IRF8: variants seen among roughly 807,000 people sequenced by gnomAD.
IRF8 encodes the protein interferon regulatory factor 8.
In IRF8, 14 loss-of-function variants were observed where a neutral mutation model predicts 48.7. The observed-to-expected ratio is 0.29, with a 90% confidence interval of 0.19 to 0.45. The LOEUF (loss-of-function observed/expected upper bound fraction) is 0.45, where lower values mean the gene tolerates loss of function less well. IRF8 is among the 20% of genes least tolerant of loss of function. IRF8 has a pLI of 1.00. For missense variants in IRF8, 493 were observed against 580.7 expected, an observed-to-expected ratio of 0.85 and a Z score of 1.55; for synonymous variants, 278 against 227.3, an observed-to-expected ratio of 1.22 and a Z score of -2.01.
At chr16:85,907,854 G>C (rs1396056613) in intron 2 of IRF8, among the ~76,000 whole-genome samples, 1 of 152,216 alleles carries the variant, frequency 6.6e-6, no homozygotes, top group East Asian at 1.9e-4. Context: ...CACTTGCTGT[G>C]GTGGGGAAAC....
intron 2 of IRF8, among the ~76,000 whole-genome samples, chr16:85,904,542 G>T (rs1246671498): frequency 6.6e-6 from 1 of 152,222 alleles, no homozygotes; most frequent in Admixed American, 6.5e-5. Flanking sequence ...GGGGCTGTGC[G>T]TTTCAGTAAT....
chr16:85,917,834 G>C (rs1905367497), intron 6 of IRF8, among the ~76,000 whole-genome samples: 1 of 152,164 alleles, frequency 6.6e-6, no homozygotes, highest in Non-Finnish European at 1.5e-5. Context: ...GGGAACCCCT[G>C]CTTTAGTTTG....
intron 3 of IRF8, 82 bp from the exon 4 acceptor site, chr16:85,911,488 A>G: frequency 8.5e-7 from 1 of 1,174,584 alleles, no homozygotes; most frequent in Middle Eastern, 1.9e-4. Flanking sequence ...TAAACTCAGC[A>G]TTTACAGAGT....
intron 4 of IRF8, among the ~76,000 whole-genome samples, chr16:85,912,157 C>T (rs1905165118): frequency 6.6e-6 from 1 of 152,190 alleles, no homozygotes; most frequent in African/African-American, 2.4e-5. Flanking sequence ...GCTGGATAAC[C>T]AAGCATGTTC....
At chr16:85,903,389 CT>C in intron 2 of IRF8, 200 bp downstream of exon 2, 1 of 595,950 alleles carries the variant, frequency 1.7e-6, no homozygotes, top group Non-Finnish European at 3.0e-6. Context: ...TACGGAGTCA[CT>C]TTTGTGGTCG....
intron 2 of IRF8, among the ~76,000 whole-genome samples, chr16:85,905,298 G>T (rs1197090667): frequency 2.0e-5 from 3 of 152,206 alleles, no homozygotes; most frequent in Non-Finnish European, 4.4e-5. Flanking sequence ...GCCCTGACAT[G>T]TGGCATGCTG....
In IRF8 at chr16:85,920,154, G is replaced by C; in HGVS notation, c.1034G>C (p.Arg345Thr). ...AGCCAGGGCCGGCTTCCTGACGGCA[G>C]GGTGGTGCTGTGCTTTGGGGAAGAG... ...YNSQGRLPDG[R>T]VVLCFGEEFP... is the part of the protein sequence containing the mutation. Residue 345 changes from arginine to threonine, a missense_variant, in exon 8 of 9, where the codon AGG becomes ACG. Coordinates refer to ENST00000268638, the MANE Select transcript of IRF8 (RefSeq NM_002163.4). 1 of 1,614,128 alleles carries C rather than the reference G, an allele frequency of 6.2e-7. No individual in the cohort carries two copies. Among genetic ancestry groups the C allele is most frequent in the Non-Finnish European group, 8.5e-7 (1 of 1,180,014 alleles).
intron 6 of IRF8, among the ~76,000 whole-genome samples, chr16:85,916,792 G>A (rs1025638037): frequency 6.6e-6 from 1 of 152,234 alleles, no homozygotes; most frequent in Admixed American, 6.5e-5. Context: ...CGCAGGCAGT[G>A]CAGAAGTTGC....
At chr16:85,900,333 G>C (rs1904790808) in intron 1 of IRF8, among the ~76,000 whole-genome samples, 1 of 152,188 alleles carries the variant, frequency 6.6e-6, no homozygotes, top group Non-Finnish European at 1.5e-5. Flanking sequence ...TGCAGATAGG[G>C]CTTGGCCAAT....
chr16:85,912,037 T>G (rs1445446257), intron 4 of IRF8, among the ~76,000 whole-genome samples: 1 of 152,258 alleles, frequency 6.6e-6, no homozygotes, highest in Non-Finnish European at 1.5e-5. Flanking sequence ...ATGTAAACTT[T>G]CCTTGCTGCC....
intron 3 of IRF8, 77 bp downstream of exon 3, chr16:85,909,250 G>T: frequency 1.7e-6 from 2 of 1,205,926 alleles, no homozygotes; most frequent in Non-Finnish European, 2.4e-6. Context: ...CTTGGGTCTG[G>T]GGTAGACACA....
At chr16:85,900,379 CAT>C (rs1904792244) in intron 1 of IRF8, among the ~76,000 whole-genome samples, 2 of 152,196 alleles carry the variant, frequency 1.3e-5, no homozygotes, top group African/African-American at 4.8e-5. Context: ...AAGTTATAAA[CAT>C]GTGATTAGAC....
chr16:85,905,375 A>T (rs1904966624), intron 2 of IRF8, among the ~76,000 whole-genome samples: 1 of 152,242 alleles, frequency 6.6e-6, no homozygotes, highest in Admixed American at 6.5e-5. Context: ...GTAATGAAAT[A>T]AAGCCCCAGA....
chr16:85,900,772 C>CT (rs1904802692), intron 1 of IRF8, among the ~76,000 whole-genome samples: 2 of 152,194 alleles, frequency 1.3e-5, no homozygotes, highest in African/African-American at 4.8e-5. Context: ...TTACTCTTCT[C>CT]TTTTTCCTTT....
intron 4 of IRF8, among the ~76,000 whole-genome samples, chr16:85,912,651 A>G (rs1410485687): frequency 2.0e-5 from 3 of 152,248 alleles, no homozygotes; most frequent in African/African-American, 7.2e-5. Flanking sequence ...CCGGGGTCAC[A>G]AGAAAAGCAA....
chr16:85,917,657 C>T (rs887397195), intron 6 of IRF8, among the ~76,000 whole-genome samples: 1 of 152,148 alleles, frequency 6.6e-6, no homozygotes, highest in African/African-American at 2.4e-5. Context: ...AGTTCAGTGC[C>T]ATTATTCAAA....
intron 2 of IRF8, among the ~76,000 whole-genome samples, chr16:85,904,045 C>G (rs11865854): frequency 2.6e-5 from 4 of 152,150 alleles, no homozygotes; most frequent in Non-Finnish European, 4.4e-5. Flanking sequence ...GCTGGGCTAT[C>G]GAATCCCTTG....
intron 8 of IRF8, among the ~76,000 whole-genome samples, chr16:85,920,841 A>T (rs1905534599): frequency 6.6e-6 from 1 of 152,186 alleles, no homozygotes; most frequent in Non-Finnish European, 1.5e-5. Flanking sequence ...AGATTAGGGC[A>T]TTGCCAGCCC....
intron 8 of IRF8, among the ~76,000 whole-genome samples, chr16:85,920,882 T>C (rs549907172): frequency 6.6e-6 from 1 of 152,272 alleles, no homozygotes; most frequent in African/African-American, 2.4e-5. Flanking sequence ...AATGAATCTC[T>C]AATGGTGGGA....
Sources: allele counts gnomAD v4.1 joint callset (sites outside exome capture counted in the v4.1 genomes callset), GRCh38; gene constraint gnomAD v4.1.1; transcripts MANE v1.5; gene names NCBI Gene and HGNC (gene_info 2026-07-23, HGNC 2026-07-21).